WIPF3: variants seen among roughly 807,000 people sequenced by gnomAD.
The protein encoded by WIPF3 is WAS/WASL interacting protein family member 3.
A neutral mutation model predicts 38.9 loss-of-function variants in WIPF3; 33 were observed. That is an observed-to-expected ratio of 0.85 (90% CI 0.64 to 1.14). WIPF3 has a LOEUF of 1.14. Ranked by LOEUF, WIPF3 falls within the 50% of genes most tolerant of loss-of-function variation. WIPF3 has a pLI of 0.00. For missense variants in WIPF3, 711 were observed against 652.5 expected (o/e 1.09, Z -0.98); for synonymous variants, 324 against 269.3 (o/e 1.20, Z -1.99).
chr7:29,854,031 C>A (rs564927932), intron 2 of WIPF3, among the ~76,000 whole-genome samples: 1 of 152,222 alleles, frequency 6.6e-6, no homozygotes, highest in African/African-American at 2.4e-5. Flanking sequence ...CTTCACTGCA[C>A]GCTGGTAAAC....
At chr7:29,885,053 C>G (rs1018879133) in intron 5 of WIPF3, among the ~76,000 whole-genome samples, 10 of 152,318 alleles carry the variant, frequency 6.6e-5, no homozygotes, top group African/African-American at 2.2e-4. Context: ...TATATTTGCC[C>G]GCGTTTTCCT....
chr7:29,872,880 C>A (rs2128072888), intron 2 of WIPF3, among the ~76,000 whole-genome samples: 1 of 149,008 alleles, frequency 6.7e-6, no homozygotes, highest in East Asian at 2.0e-4. Flanking sequence ...TCAGGGCCGA[C>A]ACTGGAGCAG....
At chr7:29,826,463 C>T (rs997688054) in intron 1 of WIPF3, among the ~76,000 whole-genome samples, 1 of 152,260 alleles carries the variant, frequency 6.6e-6, no homozygotes, top group South Asian at 2.1e-4. Flanking sequence ...ATCACTGTTC[C>T]CCAAAGCCTG....
intron 2 of WIPF3, among the ~76,000 whole-genome samples, chr7:29,845,161 A>G (rs1784979873): frequency 6.6e-6 from 1 of 151,668 alleles, no homozygotes; most frequent in Admixed American, 6.6e-5. Flanking sequence ...CTCATGGTTT[A>G]GAGAGATTCT....
At position 29,878,270 on chromosome 7, in the gene WIPF3, C is replaced by T. The variant is rs929869859; in HGVS notation, c.224-739C>T. Among the ~76,000 whole-genome samples the T allele has an allele frequency of 6.6e-6, 1 of 152,204 alleles. No individual in the cohort carries two copies. The highest frequency in any genetic ancestry group is 1.5e-5 in the Non-Finnish European group (1 of 68,046). ...CTGGCCACTTTCATCCACCAGTGGGCACTGTGCCCTAATTTCTCTGTGCAT... is the reference window on the plus strand; with the variant it reads ...CTGGCCACTTTCATCCACCAGTGGGTACTGTGCCCTAATTTCTCTGTGCAT... On this transcript the variant is annotated intron_variant, in intron 3 of 8. Transcript: ENST00000242140. The surrounding 1 kb of genome is among the most constrained non-coding windows in gnomAD (Gnocchi z 4.0).
chr7:29,816,978 A>G (rs933357927), intron 1 of WIPF3, among the ~76,000 whole-genome samples: 2 of 152,222 alleles, frequency 1.3e-5, no homozygotes, highest in African/African-American at 4.8e-5. Flanking sequence ...TTATATTCCT[A>G]CCAATAATTG....
intron 2 of WIPF3, among the ~76,000 whole-genome samples, chr7:29,849,987 T>TGGGA (rs1785067093): frequency 6.6e-6 from 1 of 152,236 alleles, no homozygotes; most frequent in Non-Finnish European, 1.5e-5. Flanking sequence ...GGAATTGCTT[T>TGGGA]TTGTCAGAGG....
Position 29,875,917 on chromosome 7 carries a change from C to G in WIPF3, c.178C>G (p.Arg60Gly). 6.2e-7 allele frequency: 1 copy of G among 1,614,058 alleles called. No individual in the cohort carries two copies. Among genetic ancestry groups the G allele is most frequent in the South Asian group, 1.1e-5 (1 of 91,084 alleles). ...TGATATCCAGCAAGGAACTCGCCTG[C>G]GCAAAGTCACGCAGATCAACGACCG... ...LADIQQGTRL[R>G]KVTQINDRSA... The change falls in exon 3 of 9, where the codon CGC becomes GGC. Residue 60 changes from arginine to glycine, a missense_variant. By Grantham distance (125) the Arg-to-Gly change is moderately radical. Transcript: ENST00000242140.
At chr7:29,901,780 G>A (rs1244772709) in intron 7 of WIPF3, among the ~76,000 whole-genome samples, 2 of 140,626 alleles carry the variant, frequency 1.4e-5, no homozygotes, top group African/African-American at 2.7e-5. Context: ...AGAGGTTGCA[G>A]TAAGCTGAGA....
chr7:29,896,436 G>A (rs530411867), intron 7 of WIPF3, among the ~76,000 whole-genome samples: 7 of 152,218 alleles, frequency 4.6e-5, no homozygotes, highest in African/African-American at 2.4e-5. Context: ...GCAACATGGC[G>A]AAACCCCATC....
chr7:29,879,348 T>C (rs1011084966), intron 4 of WIPF3, among the ~76,000 whole-genome samples: 1 of 152,242 alleles, frequency 6.6e-6, no homozygotes, highest in African/African-American at 2.4e-5. Context: ...TCATCCTGTT[T>C]AAATTATTCC....
At chr7:29,857,476 AT>A (rs917833063) in intron 2 of WIPF3, among the ~76,000 whole-genome samples, 2 of 151,400 alleles carry the variant, frequency 1.3e-5, no homozygotes, top group Non-Finnish European at 2.9e-5. Flanking sequence ...GCTTCTACAG[AT>A]TTTTTTTTCT....
chr7:29,906,937 A>G (rs1382394800), intron 8 of WIPF3, among the ~76,000 whole-genome samples: 1 of 152,234 alleles, frequency 6.6e-6, no homozygotes, highest in Non-Finnish European at 1.5e-5. Flanking sequence ...ATTCTTAAAA[A>G]GTGAGGGAGA....
Position 29,884,158 on chromosome 7 carries a change from G to T in WIPF3, c.664G>T (p.Ala222Ser). 1 of 1,521,518 alleles carries T rather than the reference G, an allele frequency of 6.6e-7. No homozygotes were observed. Among genetic ancestry groups the T allele is most frequent in the Non-Finnish European group, 8.8e-7 (1 of 1,132,400 alleles). The allele number at this position is 1,521,518 out of a possible 1,614,324, so 94.3% of individuals were successfully genotyped here. The change falls in exon 5 of 9, where the codon GCG becomes TCG. Residue 222 changes from alanine to serine, a missense_variant. Coordinates refer to ENST00000242140, the MANE Select transcript of WIPF3 (RefSeq NM_001080529.3). ...GGTGGTTGCACCCCCCGTCCCCTGT[G>T]CGCCACCACCTCCACCTCCGCCACC... ...LPVVAPPVPC[A>S]PPPPPPPPPP...
chr7:29,892,466 A>T (rs978855424), intron 7 of WIPF3, among the ~76,000 whole-genome samples: 1 of 152,238 alleles, frequency 6.6e-6, no homozygotes, highest in Non-Finnish European at 1.5e-5. Flanking sequence ...CTGTCAGTGC[A>T]AACACTAAAT....
At chr7:29,851,059 G>A (rs1342347190) in intron 2 of WIPF3, among the ~76,000 whole-genome samples, 2 of 152,132 alleles carry the variant, frequency 1.3e-5, no homozygotes, top group African/African-American at 4.8e-5. Flanking sequence ...TTGGCATCTC[G>A]GGATGGTGCT....
intron 3 of WIPF3, among the ~76,000 whole-genome samples, chr7:29,877,421 CT>C (rs1440886003): frequency 3.3e-5 from 5 of 152,286 alleles, no homozygotes; most frequent in Admixed American, 6.5e-5. Flanking sequence ...GAAAGCCTGC[CT>C]TTGTTTGTTG....
intron 2 of WIPF3, among the ~76,000 whole-genome samples, chr7:29,865,323 C>A (rs1489558663): frequency 6.6e-6 from 1 of 152,182 alleles, no homozygotes; most frequent in African/African-American, 2.4e-5. Flanking sequence ...CAGATGCTTT[C>A]TGAAATGCAG....
At chr7:29,882,980 TAGAG>T (rs897815246) in intron 4 of WIPF3, among the ~76,000 whole-genome samples, 1 of 152,166 alleles carries the variant, frequency 6.6e-6, no homozygotes, top group Admixed American at 6.5e-5. Context: ...TTTTTCTTAT[TAGAG>T]AGAGGCAGAG....
Sources: gnomAD v4.1 joint callset for allele counts (sites outside exome capture counted in the v4.1 genomes callset) on GRCh38, gnomAD v4.1.1 for gene constraint, Gnocchi (gnomAD v3.1) non-coding constraint, MANE v1.5 for transcripts, NCBI Gene and HGNC (gene_info 2026-07-23, HGNC 2026-07-21) for gene names.